TRIM68: variants seen among roughly 807,000 people sequenced by gnomAD.
The protein encoded by TRIM68 is E3 ubiquitin-protein ligase TRIM68.
Under a neutral mutation model 41.9 loss-of-function variants are expected in TRIM68, and 36 were observed. The ratio of observed to expected loss-of-function variants is 0.86; its 90% confidence interval spans 0.66 to 1.14. The LOEUF (loss-of-function observed/expected upper bound fraction) is 1.14, where lower values mean the gene tolerates loss of function less well. Among genes scored for constraint, TRIM68 ranks in the 50% most tolerant of loss-of-function variants. The pLI is 0.00. For synonymous variants in TRIM68, 225 were observed against 224.6 expected, an observed-to-expected ratio of 1.00 and a Z score of -0.02; for missense variants, 632 against 605.1, an observed-to-expected ratio of 1.04 and a Z score of -0.47.
intron 1 of TRIM68, 82 bp downstream of exon 1, chr11:4,607,945 C>CAGGT (rs955545687): frequency 5.3e-5 from 8 of 152,320 alleles, no homozygotes; most frequent in Admixed American, 5.2e-4. Flanking sequence ...GGGCGTTGGG[C>CAGGT]AGGTCCCCAG....
Position 4,600,696 on chromosome 11 carries a change from G to T in TRIM68, c.1038C>A (p.Ile346=). The stretch of plus-strand genomic sequence containing the variant: ...AGGAGATGCACTGGCTTCCCAGGAC[G>T]ATATTATAGCGGTAAAATCTCTCAG... ...DNPERFYRYN[I]VLGSQCISSG... is the part of the protein sequence containing the mutation. The change falls in exon 7 of 7, where the codon ATC becomes ATA. Residue 346 remains isoleucine (I), a synonymous_variant. Transcript: ENST00000300747. 1 of 1,614,154 alleles carries T rather than the reference G, an allele frequency of 6.2e-7. No individual in the cohort carries two copies.
In TRIM68 at chr11:4,600,703, T is replaced by G; in HGVS notation, c.1031A>C (p.Tyr344Ser). Residue 344 changes from tyrosine to serine, a missense_variant, in exon 7 of 7, where the codon TAT becomes TCT. Tyr to Ser is a moderately radical substitution (Grantham distance 144). Coordinates refer to ENST00000300747, the MANE Select transcript of TRIM68 (RefSeq NM_018073.8). ...LPDNPERFYR[Y>S]NIVLGSQCIS... ...GCACTGGCTTCCCAGGACGATATTA[T>G]AGCGGTAAAATCTCTCAGGATTGTC... The G allele has an allele frequency of 1.2e-6, 2 of 1,614,156 alleles. No individual in the cohort carries two copies. The highest frequency in any genetic ancestry group is 1.7e-6 in the Non-Finnish European group (2 of 1,180,020).
In TRIM68 at chr11:4,607,108, C is replaced by A. The variant is rs1259882456; in HGVS notation, c.-58+919G>T. 2.0e-5 allele frequency among the ~76,000 whole-genome samples: 3 copies of A among 152,212 alleles called. No individual in the cohort carries two copies. In the East Asian group the frequency reaches 5.8e-4, roughly 29 times the overall value. ...AGGCAAAGGAATAAACTTCCACACA[C>A]TCCCGCAAACCCCTCGTCCATTCAA... On this transcript the variant is annotated intron_variant, in intron 1 of 6. Coordinates refer to ENST00000300747, the MANE Select transcript of TRIM68 (RefSeq NM_018073.8).
intron 6 of TRIM68, 66 bp from the exon 7 acceptor site, chr11:4,600,892 G>A: frequency 6.3e-7 from 1 of 1,575,050 alleles, no homozygotes; most frequent in South Asian, 1.2e-5. Context: ...AGAGCCCTCT[G>A]ATAAATTCAG....
intron 4 of TRIM68, 86 bp from the exon 5 acceptor site, chr11:4,601,772 G>T: frequency 6.8e-7 from 1 of 1,476,728 alleles, no homozygotes; most frequent in South Asian, 1.1e-5. Flanking sequence ...AGTTTCTCTA[G>T]GGGAAGGGAG....
intron 4 of TRIM68, 45 bp downstream of exon 4, chr11:4,602,107 A>G (rs1564865186): frequency 1.2e-6 from 2 of 1,612,988 alleles, no homozygotes; most frequent in South Asian, 1.1e-5. Flanking sequence ...GTCTCAGTCT[A>G]TCTTCAGCTG....
chr11:4,601,060 G>A lies in TRIM68; in HGVS notation c.874C>T (p.Leu292=). 2.5e-6 allele frequency: 4 copies of A among 1,614,166 alleles called. No homozygotes were observed. Among genetic ancestry groups the A allele is most frequent in the Non-Finnish European group, 3.4e-6 (4 of 1,180,026 alleles). Residue 292 remains leucine, a synonymous_variant, in exon 6 of 7, where the codon CTG becomes TTG. Transcript: ENST00000300747. ...SLELKTDCRV[L]GLREILKTYA... is the part of the protein sequence containing the mutation. ...GTCTTCAGGATCTCTCTTAGCCCCA[G>A]CACACGGCAATCTGTCTTCAACTCC...
chr11:4,601,274 T>C, intron 5 of TRIM68, 147 bp from the exon 6 acceptor site: 1 of 680,118 alleles, frequency 1.5e-6, no homozygotes, highest in Non-Finnish European at 2.6e-6. Context: ...TGGCTGAGCC[T>C]CAAGCTGTTT....
rs2231977 is a variant in TRIM68 at position 4,600,256 on chromosome 11, T to C, written c.*20A>G. On this transcript the variant is annotated 3_prime_UTR_variant, in exon 7 of 7. Transcript: ENST00000300747. ...GGCCAGGCCCAATTCCAAGCCTCTCTGGTTAGGGTGGTAGCTTTCTTAGTC... is the reference window on the plus strand; with the variant it reads ...GGCCAGGCCCAATTCCAAGCCTCTCCGGTTAGGGTGGTAGCTTTCTTAGTC... 13,950 of 1,539,822 alleles carry C rather than the reference T, an allele frequency of 9.1e-3. 907 individuals are homozygous for C. In the African/African-American group the frequency reaches 0.16, roughly 17 times the overall value.
At position 4,600,724 on chromosome 11, in the gene TRIM68, T is replaced by C; in HGVS notation, c.1010A>G (p.Asn337Ser). ...YGDTNQKLPD[N>S]PERFYRYNIV... ...ATTATAGCGGTAAAATCTCTCAGGATTGTCTGGCAGTTTCTGGTTGGTGTC... is the reference window on the plus strand; with the variant it reads ...ATTATAGCGGTAAAATCTCTCAGGACTGTCTGGCAGTTTCTGGTTGGTGTC... Residue 337 changes from asparagine (N) to serine (S), a missense_variant, in exon 7 of 7, where the codon AAT (asparagine) becomes AGT (serine). Coordinates refer to ENST00000300747, the MANE Select transcript of TRIM68 (RefSeq NM_018073.8). 1.2e-6 allele frequency: 2 copies of C among 1,614,166 alleles called. No homozygotes were observed. The highest frequency in any genetic ancestry group is 1.1e-5 in the South Asian group (1 of 91,070).
chr11:4,604,159 A>C (rs1438617561), intron 2 of TRIM68, among the ~76,000 whole-genome samples: 1 of 152,226 alleles, frequency 6.6e-6, no homozygotes, highest in East Asian at 1.9e-4. Context: ...CAAAAACAGA[A>C]TGAGTTAGTA....
Position 4,602,195 on chromosome 11 carries a change from T to C in TRIM68, c.740A>G (p.Glu247Gly), listed in dbSNP as rs1207729927. 1 of 1,614,158 alleles carries C rather than the reference T, an allele frequency of 6.2e-7. No individual in the cohort carries two copies. Among genetic ancestry groups the C allele is most frequent in the Non-Finnish European group, 8.5e-7 (1 of 1,180,012 alleles). Residue 247 changes from glutamate (E) to glycine (G), a missense_variant, in exon 4 of 7, where the codon GAG (glutamate) becomes GGG (glycine). Glu to Gly is a moderately conservative substitution (Grantham distance 98). Transcript: ENST00000300747. ...AGGCCTCTGCGACCTCTCTTTCAAC[T>C]CTGCAATCATCCTCCACAGGACCTG... ...QSQVLWRMIA[E>G]LKERSQRPVR...
In TRIM68 at chr11:4,600,399, G is replaced by A. The variant is rs763318611; in HGVS notation, c.1335C>T (p.His445=). The change falls in exon 7 of 7, where the codon CAC becomes CAT. Residue 445 remains histidine, a synonymous_variant. Coordinates refer to ENST00000300747, the MANE Select transcript of TRIM68 (RefSeq NM_018073.8). Reference sequence around the variant, plus strand: ...AGGGATAGCGGGGGAAAGTGAAGATGTGGGAGCCACAGTCAGTCACATTGT... The same window carrying A: ...AGGGATAGCGGGGGAAAGTGAAGATATGGGAGCCACAGTCAGTCACATTGT... ...SFYNVTDCGS[H]IFTFPRYPFP... 4 of 1,614,150 alleles carry A rather than the reference G, an allele frequency of 2.5e-6. No homozygotes were observed. In the Admixed American group the frequency reaches 5.0e-5, roughly 20 times the overall value.
At position 4,600,295 on chromosome 11, in the gene TRIM68, G is replaced by C. The variant is rs759930198; in HGVS notation, c.1439C>G (p.Ser480Cys). The C allele has an allele frequency of 1.3e-6, 2 of 1,586,518 alleles. No homozygotes were observed. Among genetic ancestry groups the C allele is most frequent in the East Asian group, 2.2e-5 (1 of 44,646 alleles). ...TNNTAPLAICSLDGED is the reference protein window; with the variant it reads ...TNNTAPLAICCLDGED ...GCTTTCTTAGTCCTCCCCATCCAGG[G>C]AGCAGATGGCCAGAGGAGCAGTGTT... The change falls in exon 7 of 7, where the codon TCC becomes TGC. Residue 480 changes from serine to cysteine, a missense_variant. Ser to Cys is a moderately radical substitution (Grantham distance 112). Coordinates refer to ENST00000300747, the MANE Select transcript of TRIM68 (RefSeq NM_018073.8).
chr11:4,602,928 G>T (rs1035038364), intron 3 of TRIM68, among the ~76,000 whole-genome samples: 15 of 152,236 alleles, frequency 9.9e-5, no homozygotes, highest in Middle Eastern at 3.2e-3. Flanking sequence ...TTGGGAAAAT[G>T]AAAGAGAAAC....
At chr11:4,603,808 T>A (rs1191848326) in intron 2 of TRIM68, among the ~76,000 whole-genome samples, 2 of 152,182 alleles carry the variant, frequency 1.3e-5, no homozygotes, top group Non-Finnish European at 2.9e-5. Context: ...CCCAGGTGGT[T>A]CATATGCTTA....
chr11:4,602,456 C>T (rs1486343072), intron 3 of TRIM68, 44 bp from the exon 4 acceptor site: 1 of 1,605,082 alleles, frequency 6.2e-7, no homozygotes, highest in Non-Finnish European at 8.5e-7. Flanking sequence ...TTTCAGTCAC[C>T]CAGTATCGAG....
chr11:4,601,522 A>G (rs1190038772), intron 5 of TRIM68, 142 bp downstream of exon 5: 1 of 790,640 alleles, frequency 1.3e-6, no homozygotes, highest in East Asian at 2.5e-5. Context: ...CTTAGCCATT[A>G]CCATGTAAGT....
At chr11:4,606,879 T>C (rs1291985108) in intron 1 of TRIM68, among the ~76,000 whole-genome samples, 1 of 152,240 alleles carries the variant, frequency 6.6e-6, no homozygotes, top group Non-Finnish European at 1.5e-5. Context: ...GCAGTAAATC[T>C]TGCAGGACTC....
Sources: gnomAD v4.1 joint callset for allele counts (sites outside exome capture counted in the v4.1 genomes callset) on GRCh38, gnomAD v4.1.1 for gene constraint, MANE v1.5 for transcripts, NCBI Gene and HGNC (gene_info 2026-07-23, HGNC 2026-07-21) for gene names.